Variants in RUFY1 observed in about 807,000 individuals in gnomAD.
RUFY1 encodes RUN and FYVE domain-containing protein 1.
Under a neutral mutation model 94.6 loss-of-function variants are expected in RUFY1, and 54 were observed. The ratio of observed to expected loss-of-function variants is 0.57; its 90% CI spans 0.46 to 0.72. The LOEUF (loss-of-function observed/expected upper bound fraction) is 0.72, where lower values mean the gene tolerates loss of function less well. Ranked by LOEUF, RUFY1 falls within the 30% of genes least tolerant of loss-of-function variation. The pLI, the probability that RUFY1 is intolerant of heterozygous loss-of-function variation, is 0.00. For missense variants in RUFY1, 883 were observed against 883.9 expected, an observed-to-expected ratio of 1.00 and a Z score of 0.01; for synonymous variants, 396 against 347.3, an observed-to-expected ratio of 1.14 and a Z score of -1.56.
In RUFY1 at chr5:179,591,669, A is replaced by G. The variant is rs1765115714; in HGVS notation, c.1173A>G (p.Gln391=). ...AAGTTGAGCTGGAGACTTACAAGCA[A>G]ACTCGGCAAGGTCTGGATGAAATGT... ...DTKVELETYK[Q]TRQGLDEMYS... is the part of the protein sequence containing the mutation. The change falls in exon 10 of 18, where the codon CAA becomes CAG. Residue 391 remains glutamine (Q), a synonymous_variant. Coordinates refer to ENST00000319449, the MANE Select transcript of RUFY1 (RefSeq NM_025158.5). 1.2e-6 allele frequency: 2 copies of G among 1,613,388 alleles called. No homozygotes were observed. Among genetic ancestry groups the G allele is most frequent in the Non-Finnish European group, 1.7e-6 (2 of 1,179,844 alleles).
At chr5:179,599,493 C>T (rs1766089656) in intron 14 of RUFY1, 1 of 152,450 alleles carries the variant, frequency 6.6e-6, no homozygotes, top group African/African-American at 2.4e-5. Flanking sequence ...ACCTCAGTTC[C>T]ATGGAGGACC....
intron 12 of RUFY1, 191 bp from the exon 13 acceptor site, chr5:179,596,371 A>AG (rs1290564318): frequency 4.1e-6 from 3 of 724,158 alleles, no homozygotes; most frequent in Non-Finnish European, 4.9e-6. Context: ...CCAGGGGCTG[A>AG]GGTGGGGAGT....
Position 179,562,602 on chromosome 5 carries a change from G to A in RUFY1, c.540G>A (p.Val180=), listed in dbSNP as rs377209673. The change falls in exon 3 of 18, where the codon GTG becomes GTA. Residue 180 remains valine (V), a synonymous_variant. Coordinates refer to ENST00000319449, the MANE Select transcript of RUFY1 (RefSeq NM_025158.5). The stretch of plus-strand genomic sequence containing the variant: ...CATTCTTTGGTCCTTTGGAGCTGGT[G>A]GAGAAACTTTGTCCAGAAGCATCAG... ...NKSFFGPLEL[V]EKLCPEASDI... 1.9e-6 allele frequency: 3 copies of A among 1,612,374 alleles called. No individual in the cohort carries two copies. The highest frequency in any genetic ancestry group is 2.2e-5 in the East Asian group (1 of 44,858).
At chr5:179,602,996 G>A (rs765167141) in intron 15 of RUFY1, among the ~76,000 whole-genome samples, 6 of 152,116 alleles carry the variant, frequency 3.9e-5, no homozygotes, top group African/African-American at 1.2e-4. Flanking sequence ...GGCCGGGTGC[G>A]GTGGCTCACG....
At chr5:179,596,880 G>C (rs1021944597) in intron 13 of RUFY1, 199 bp downstream of exon 13, 7 of 612,164 alleles carry the variant, frequency 1.1e-5, no homozygotes, top group Non-Finnish European at 1.8e-5. Context: ...CTCCTCACGT[G>C]GTCCAGCTCG....
chr5:179,605,777 C>G, intron 15 of RUFY1, 99 bp from the exon 16 acceptor site: 1 of 819,308 alleles, frequency 1.2e-6, no homozygotes, highest in Non-Finnish European at 2.1e-6. Flanking sequence ...CTCACAAGTC[C>G]GGTATCCTCA....
intron 7 of RUFY1, among the ~76,000 whole-genome samples, chr5:179,581,235 A>T (rs1407834160): frequency 1.3e-5 from 2 of 152,202 alleles, no homozygotes; most frequent in East Asian, 3.8e-4. Flanking sequence ...GTTACATAAT[A>T]CACAGAAGTA....
chr5:179,555,407 TGAGA>T (rs899225773), intron 1 of RUFY1, among the ~76,000 whole-genome samples: 5 of 152,056 alleles, frequency 3.3e-5, no homozygotes, highest in Non-Finnish European at 5.9e-5. Context: ...CCAGTAAAAT[TGAGA>T]GATAGAACCG....
chr5:179,566,608 G>C (rs1762848762), intron 3 of RUFY1, among the ~76,000 whole-genome samples: 1 of 143,922 alleles, frequency 6.9e-6, no homozygotes, highest in African/African-American at 2.6e-5. Flanking sequence ...CTGGGTGACA[G>C]AGTGAGGCTC....
At chr5:179,581,068 C>A in intron 7 of RUFY1, 56 bp downstream of exon 7, 1 of 1,066,426 alleles carries the variant, frequency 9.4e-7, no homozygotes, top group African/African-American at 1.6e-5. Flanking sequence ...CCTGTCATTG[C>A]TTCATGGAAC....
intron 15 of RUFY1, among the ~76,000 whole-genome samples, chr5:179,604,054 T>C (rs1054279626): frequency 1.3e-5 from 2 of 152,206 alleles, no homozygotes; most frequent in Non-Finnish European, 2.9e-5. Context: ...TGAAACTCTG[T>C]CTCAAAAACA....
chr5:179,556,481 T>C (rs1396732883), intron 1 of RUFY1, among the ~76,000 whole-genome samples: 1 of 151,994 alleles, frequency 6.6e-6, no homozygotes, highest in Non-Finnish European at 1.5e-5. Flanking sequence ...TTATAAAGAA[T>C]TATACATAAA....
intron 1 of RUFY1, among the ~76,000 whole-genome samples, chr5:179,553,227 C>G (rs1187272911): frequency 8.5e-5 from 13 of 152,170 alleles, no homozygotes; most frequent in Non-Finnish European, 2.9e-5. Flanking sequence ...GTGGCTGGTA[C>G]CACAGCACAT....
chr5:179,601,012 A>C (rs1188845893), intron 14 of RUFY1, among the ~76,000 whole-genome samples: 2 of 151,616 alleles, frequency 1.3e-5, no homozygotes, highest in Non-Finnish European at 2.9e-5. Context: ...AACTATTTTT[A>C]ATGTGGCTGA....
At chr5:179,602,037 A>G (rs1227591029) in intron 15 of RUFY1, 51 bp downstream of exon 15, 2 of 1,446,130 alleles carry the variant, frequency 1.4e-6, no homozygotes, top group Non-Finnish European at 9.7e-7. Flanking sequence ...CAGGCTACCC[A>G]CCACATCCCT....
At chr5:179,606,023 G>A in intron 16 of RUFY1, 99 bp downstream of exon 16, 2 of 820,336 alleles carry the variant, frequency 2.4e-6, no homozygotes, top group Non-Finnish European at 2.1e-6. Flanking sequence ...GAGAGCGTGT[G>A]GTTGAGGCAG....
At position 179,596,674 on chromosome 5, in the gene RUFY1, G is replaced by A. The variant is rs368440829; in HGVS notation, c.1624G>A (p.Glu542Lys). Residue 542 changes from glutamate (E) to lysine (K), a missense_variant, in exon 13 of 18, where the codon GAG becomes AAG. Transcript: ENST00000319449. Reference protein sequence around the residue: ...ALQLQLSQLHEQCSSLEKELK... With the variant: ...ALQLQLSQLHKQCSSLEKELK... ...GCAGCTGCAGCTCTCCCAGCTGCAC[G>A]AGCAATGGTAGGGGCCCTGCAGGGA... 8.2e-5 allele frequency: 132 copies of A among 1,601,002 alleles called. No homozygotes were observed. Among genetic ancestry groups the A allele is most frequent in the Non-Finnish European group, 1.1e-4 (127 of 1,175,098 alleles).
At chr5:179,568,990 C>T (rs1763029201) in intron 4 of RUFY1, 3 of 965,686 alleles carry the variant, frequency 3.1e-6, no homozygotes, top group Middle Eastern at 5.3e-4. Flanking sequence ...AGAACAGGAG[C>T]CAGTGGAGAC....
chr5:179,606,302 T>G, intron 16 of RUFY1: 1 of 252,488 alleles, frequency 4.0e-6, no homozygotes, highest in Non-Finnish European at 7.6e-6. Flanking sequence ...CCCACTGCAG[T>G]GCCCTGTGCC....
Sources: gnomAD v4.1 joint callset for allele counts (sites outside exome capture counted in the v4.1 genomes callset) on GRCh38, gnomAD v4.1.1 for gene constraint, MANE v1.5 for transcripts, NCBI Gene and HGNC (gene_info 2026-07-23, HGNC 2026-07-21) for gene names.